CDH18: variants seen among roughly 807,000 people sequenced by gnomAD.
CDH18 encodes cadherin-18.
A neutral mutation model predicts 67.9 loss-of-function variants in CDH18; 31 were observed. The ratio of observed to expected loss-of-function variants is 0.46; its 90% CI spans 0.34 to 0.62. CDH18 has a LOEUF of 0.62. Among genes scored for constraint, CDH18 ranks in the 20% least tolerant of loss-of-function variants. The probability of loss-of-function intolerance (pLI) is 0.01; values close to 1 mark genes in which losing one functional copy is unlikely to be tolerated. For synonymous variants in CDH18, 362 were observed against 347.2 expected (o/e 1.04, Z -0.48); for missense variants, 890 against 975.5 (o/e 0.91, Z 1.17).
chr5:20,347,665 T>C (rs1354436251), intron 1 of CDH18, among the ~76,000 whole-genome samples: 1 of 152,232 alleles, frequency 6.6e-6, no homozygotes, highest in Admixed American at 6.5e-5. Flanking sequence ...TGTCTTAACC[T>C]TGCTAAATAT....
At chr5:20,561,428 A>G (rs1758204776) in intron 1 of CDH18, among the ~76,000 whole-genome samples, 1 of 152,128 alleles carries the variant, frequency 6.6e-6, no homozygotes, top group African/African-American at 2.4e-5. Context: ...CCGTGCTATA[A>G]AGAAATGAGC....
At position 20,487,693 on chromosome 5, in the gene CDH18, C is replaced by T. The variant is rs547477858; in HGVS notation, c.-580+87769G>A. The stretch of plus-strand genomic sequence containing the variant: ...GCATATCCTAAGGATAATTTGAAAA[C>T]ATTTTCATTATTAACTGCCACAAAT... On this transcript the variant is annotated intron_variant, in intron 1 of 14. Transcript: ENST00000507958. Among the ~76,000 whole-genome samples the T allele has an allele frequency of 5.3e-5, 8 of 151,254 alleles. No individual in the cohort carries two copies. In the South Asian group the frequency reaches 1.7e-3, roughly 32 times the overall value.
intron 1 of CDH18, among the ~76,000 whole-genome samples, chr5:20,481,207 CAA>C (rs541111689): frequency 1.6e-5 from 2 of 128,704 alleles, no homozygotes. Flanking sequence ...CTTTTTAAGC[CAA>C]AAAAAAAAAA....
intron 1 of CDH18, among the ~76,000 whole-genome samples, chr5:20,494,443 G>A (rs1753789692): frequency 6.6e-6 from 1 of 151,946 alleles, no homozygotes; most frequent in Non-Finnish European, 1.5e-5. Context: ...GACCTTACAT[G>A]ACTGTACAGG....
chr5:20,375,960 AC>A (rs1475999189), intron 1 of CDH18, among the ~76,000 whole-genome samples: 1 of 152,026 alleles, frequency 6.6e-6, no homozygotes, highest in Non-Finnish European at 1.5e-5. Flanking sequence ...TATTCAATCT[AC>A]AGATACTGCC....
chr5:20,242,745 CA>C (rs1298540534), intron 2 of CDH18, among the ~76,000 whole-genome samples: 1 of 148,406 alleles, frequency 6.7e-6, no homozygotes, highest in African/African-American at 2.5e-5. Flanking sequence ...GCTTTAAAAC[CA>C]TTTTTTAATT....
chr5:19,473,743 G>T (rs144596626), intron 12 of CDH18, 27 bp from the exon 13 acceptor site: 6 of 1,530,498 alleles, frequency 3.9e-6, no homozygotes, highest in Non-Finnish European at 5.3e-6. Context: ...AAAGGATGAA[G>T]AATTAAGAAA....
chr5:20,153,652 G>T (rs1209949765), intron 2 of CDH18, among the ~76,000 whole-genome samples: 1 of 152,162 alleles, frequency 6.6e-6, no homozygotes, highest in African/African-American at 2.4e-5. Flanking sequence ...TAGAAGCAGG[G>T]TTGGTTTCTA....
chr5:20,019,550 G>C (rs923645371), intron 2 of CDH18, among the ~76,000 whole-genome samples: 1 of 152,090 alleles, frequency 6.6e-6, no homozygotes, highest in Non-Finnish European at 1.5e-5. Flanking sequence ...AAAGTGTGTG[G>C]TATCTTTTCC....
At chr5:19,741,270 C>T (rs1356632211) in intron 4 of CDH18, among the ~76,000 whole-genome samples, 2 of 121,380 alleles carry the variant, frequency 1.6e-5, no homozygotes, top group African/African-American at 5.5e-5. Context: ...TACATATATA[C>T]ATATATACGT....
At chr5:20,264,415 A>T (rs1744881911) in intron 1 of CDH18, among the ~76,000 whole-genome samples, 1 of 152,134 alleles carries the variant, frequency 6.6e-6, no homozygotes, top group Admixed American at 6.5e-5. Context: ...GATAGCCCAA[A>T]GTCAGATATG....
At chr5:20,201,486 G>C (rs1001314443) in intron 2 of CDH18, among the ~76,000 whole-genome samples, 2 of 151,658 alleles carry the variant, frequency 1.3e-5, no homozygotes, top group Non-Finnish European at 2.9e-5. Context: ...TAAATGTGGA[G>C]AGTGAAGTGT....
chr5:19,701,047 T>C (rs1279184052), intron 5 of CDH18, among the ~76,000 whole-genome samples: 4 of 152,010 alleles, frequency 2.6e-5, no homozygotes, highest in African/African-American at 4.8e-5. Flanking sequence ...AGTAAAATTA[T>C]TGTAAATGAT....
At chr5:20,447,301 GTTA>G (rs1264810082) in intron 1 of CDH18, among the ~76,000 whole-genome samples, 2 of 151,618 alleles carry the variant, frequency 1.3e-5, no homozygotes, top group African/African-American at 4.8e-5. Context: ...CCAATGTGAT[GTTA>G]TTAAGAGGCG....
At chr5:20,324,562 T>C (rs1738368211) in intron 1 of CDH18, among the ~76,000 whole-genome samples, 1 of 123,696 alleles carries the variant, frequency 8.1e-6, no homozygotes, top group South Asian at 2.6e-4. Context: ...AACAAAACAT[T>C]TGTAGGGGGA....
At chr5:20,142,548 C>T (rs956504653) in intron 2 of CDH18, among the ~76,000 whole-genome samples, 1 of 151,034 alleles carries the variant, frequency 6.6e-6, no homozygotes, top group African/African-American at 2.4e-5. Flanking sequence ...CTACTGCATT[C>T]CAGCCTGGAC....
chr5:19,564,480 C>T (rs563320186), intron 8 of CDH18, among the ~76,000 whole-genome samples: 1 of 152,292 alleles, frequency 6.6e-6, no homozygotes, highest in African/African-American at 2.4e-5. Context: ...AGGGAACCTG[C>T]TGCCTTGAAG....
At chr5:19,618,904 T>C (rs965095749) in intron 5 of CDH18, among the ~76,000 whole-genome samples, 3 of 152,218 alleles carry the variant, frequency 2.0e-5, no homozygotes, top group African/African-American at 7.2e-5. Context: ...ATTTTCTAAA[T>C]GAAGGCACTA....
At chr5:20,391,051 G>T (rs1307872431) in intron 1 of CDH18, among the ~76,000 whole-genome samples, 1 of 151,872 alleles carries the variant, frequency 6.6e-6, no homozygotes, top group African/African-American at 2.4e-5. Flanking sequence ...GAGTTACTGG[G>T]TTCAGCACAC....
Sources: gnomAD v4.1 joint callset for allele counts (sites outside exome capture counted in the v4.1 genomes callset) on GRCh38, gnomAD v4.1.1 for gene constraint, MANE v1.5 for transcripts, NCBI Gene and HGNC (gene_info 2026-07-23, HGNC 2026-07-21) for gene names.